CHODL: variants seen among roughly 807,000 people sequenced by gnomAD.
CHODL encodes the protein transmembrane protein MT75.
A neutral mutation model predicts 34.5 loss-of-function variants in CHODL; 29 were observed. The observed-to-expected ratio is 0.84, with a 90% CI of 0.63 to 1.15. CHODL has a LOEUF of 1.15. CHODL is among the 50% of genes most tolerant of loss of function. The probability of loss-of-function intolerance (pLI) is 0.00; values close to 1 mark genes in which losing one functional copy is unlikely to be tolerated. For synonymous variants in CHODL, 125 were observed against 116.1 expected (o/e 1.08, Z -0.49); for missense variants, 332 against 332.5 (o/e 1.00, Z 0.01).
At position 18,248,879 on chromosome 21, in the gene CHODL, A is replaced by T. The variant is rs1346645951; in HGVS notation, c.79+3577A>T. 2.2e-4 allele frequency among the ~76,000 whole-genome samples: 26 copies of T among 118,512 alleles called. No homozygotes were observed. In the South Asian group the frequency reaches 6.0e-3, roughly 27 times the overall value. 77.7% of individuals were successfully genotyped at this position (118,512 alleles called of 152,430 possible). The stretch of plus-strand genomic sequence containing the variant: ...ACATTGTATATGTGTATATATATGT[A>T]TTGTACCTATAATATAATACATATA... On this transcript the variant is annotated intron_variant, in intron 1 of 5. Transcript: ENST00000299295.
At chr21:18,045,069 A>G (rs569117660) in intron 2 of CHODL, among the ~76,000 whole-genome samples, 2 of 152,080 alleles carry the variant, frequency 1.3e-5, no homozygotes, top group South Asian at 4.1e-4. Flanking sequence ...GATGGAAAAA[A>G]CAGTAACAAG....
chr21:18,035,936 T>C (rs183876365), intron 2 of CHODL, among the ~76,000 whole-genome samples: 1 of 152,178 alleles, frequency 6.6e-6, no homozygotes, highest in East Asian at 1.9e-4. Flanking sequence ...TTGATTTCTT[T>C]CTCTTCATCC....
chr21:18,254,495 G>A lies in CHODL; in HGVS notation c.80-2014G>A, dbSNP rs186136892. ...GGGATCCTTGGCGGTTTTAAAAGTT[G>A]ACAGCAGAGAGCAGAGGTGAACAAA... On this transcript the variant is annotated intron_variant, in intron 1 of 5. Transcript: ENST00000299295. 5.9e-5 allele frequency among the ~76,000 whole-genome samples: 9 copies of A among 152,224 alleles called. No homozygotes were observed. In the East Asian group the frequency reaches 1.7e-3, roughly 29 times the overall value.
intron 2 of CHODL, among the ~76,000 whole-genome samples, chr21:18,172,771 T>A (rs543317340): frequency 6.6e-6 from 1 of 152,270 alleles, no homozygotes; most frequent in African/African-American, 2.4e-5. Flanking sequence ...CAACCAAAAA[T>A]TTTGACTTAA....
chr21:18,259,644 A>C (rs1474392957), intron 3 of CHODL, among the ~76,000 whole-genome samples: 1 of 152,226 alleles, frequency 6.6e-6, no homozygotes, highest in Non-Finnish European at 1.5e-5. Context: ...AAAAGTAGAC[A>C]CTATTGGAAA....
chr21:18,019,055 T>C (rs1004752896), intron 1 of CHODL, among the ~76,000 whole-genome samples: 1 of 152,234 alleles, frequency 6.6e-6, no homozygotes, highest in Non-Finnish European at 1.5e-5. Flanking sequence ...AGTAATCTTA[T>C]GTAAACAATA....
At chr21:18,265,828 G>GA in intron 5 of CHODL, 126 bp from the exon 6 acceptor site, 1 of 656,556 alleles carries the variant, frequency 1.5e-6, no homozygotes, top group Non-Finnish European at 2.4e-6. Context: ...GGAAGAATGG[G>GA]AAAATATACT....
intron 1 of CHODL, among the ~76,000 whole-genome samples, chr21:18,023,190 C>T (rs569387673): frequency 1.4e-4 from 22 of 152,270 alleles, no homozygotes; most frequent in Middle Eastern, 3.4e-3. Flanking sequence ...GATTGCTTAG[C>T]TGTAGCAACT....
intron 2 of CHODL, 25 bp from the exon 3 acceptor site, chr21:18,256,945 T>C (rs1366808092): frequency 6.2e-7 from 1 of 1,605,284 alleles, no homozygotes; most frequent in Admixed American, 1.7e-5. Context: ...TGTATCTGAG[T>C]GTTCCTATTA....
At chr21:18,098,748 C>T (rs1330469936) in intron 2 of CHODL, among the ~76,000 whole-genome samples, 1 of 152,034 alleles carries the variant, frequency 6.6e-6, no homozygotes, top group Admixed American at 6.6e-5. Context: ...GAAAGCAAAT[C>T]AGTATATCAA....
intron 2 of CHODL, among the ~76,000 whole-genome samples, chr21:18,051,403 C>CTTTTTTT: frequency 7.2e-6 from 1 of 138,572 alleles, no homozygotes; most frequent in African/African-American, 2.6e-5. Flanking sequence ...ACAGCTTTGT[C>CTTTTTTT]TTTTTTTTTT....
At chr21:18,262,933 T>C in intron 5 of CHODL, 40 bp downstream of exon 5, 1 of 1,103,678 alleles carries the variant, frequency 9.1e-7, no homozygotes, top group South Asian at 1.3e-5. Flanking sequence ...TGAAAAACTT[T>C]AAATAGGTTT....
At chr21:17,996,716 T>C (rs2063852988) in intron 1 of CHODL, among the ~76,000 whole-genome samples, 1 of 152,248 alleles carries the variant, frequency 6.6e-6, no homozygotes, top group African/African-American at 2.4e-5. Context: ...AGGAACTTTT[T>C]AATAATAAAC....
intron 1 of CHODL, among the ~76,000 whole-genome samples, chr21:18,008,104 C>CT (rs925043072): frequency 2.1e-4 from 32 of 150,350 alleles, no homozygotes; most frequent in South Asian, 8.4e-4. Flanking sequence ...AAAACATTTA[C>CT]TTTTTTTTTA....
Position 18,160,094 on chromosome 21 carries a change from T to C in CHODL, c.-44-96415T>C, listed in dbSNP as rs143646976. Among the ~76,000 whole-genome samples the C allele has an allele frequency of 1.8e-3, 277 of 152,318 alleles. 2 individuals are homozygous for C. The highest frequency in any genetic ancestry group is 6.4e-3 in the African/African-American group (264 of 41,568). On this transcript the variant is annotated intron_variant, in intron 2 of 6. Transcript: ENST00000400127. ...TAGCAACAGTAAACTCATACAAGTA[T>C]TTATTGCATATCTCATTTAATCCTT...
At chr21:18,007,883 A>G (rs1025295967) in intron 1 of CHODL, among the ~76,000 whole-genome samples, 2 of 152,200 alleles carry the variant, frequency 1.3e-5, no homozygotes, top group African/African-American at 4.8e-5. Flanking sequence ...ATTCAGGTAG[A>G]ATCTTAATAT....
At chr21:18,176,749 G>T (rs2146669839) in intron 2 of CHODL, among the ~76,000 whole-genome samples, 1 of 152,200 alleles carries the variant, frequency 6.6e-6, no homozygotes, top group Admixed American at 6.5e-5. Flanking sequence ...AAACCAAAAA[G>T]GGTTTATTGA....
intron 2 of CHODL, among the ~76,000 whole-genome samples, chr21:18,113,555 G>T (rs2065377221): frequency 6.6e-6 from 1 of 152,134 alleles, no homozygotes; most frequent in African/African-American, 2.4e-5. Context: ...ATCCCGCATG[G>T]CTGGAGCAGG....
intron 1 of CHODL, among the ~76,000 whole-genome samples, chr21:18,007,403 A>G (rs2063970763): frequency 6.6e-6 from 1 of 152,254 alleles, no homozygotes; most frequent in South Asian, 2.1e-4. Context: ...ATGAGCAGAC[A>G]GAGGAATAAG....
Sources: allele counts gnomAD v4.1 joint callset (sites outside exome capture counted in the v4.1 genomes callset), GRCh38; gene constraint gnomAD v4.1.1; transcripts MANE v1.5; gene names NCBI Gene and HGNC (gene_info 2026-07-23, HGNC 2026-07-21).